Variants in PHF24 observed in about 807,000 individuals in gnomAD.
The protein encoded by PHF24 is PHD finger protein 24.
PHF24 carries 25 observed loss-of-function variants against 42.6 expected under a neutral mutation model. The ratio of observed to expected loss-of-function variants is 0.59; its 90% confidence interval spans 0.43 to 0.82. The LOEUF (loss-of-function observed/expected upper bound fraction) is 0.82, where lower values mean the gene tolerates loss of function less well. PHF24 is among the 40% of genes least tolerant of loss of function. PHF24 has a pLI of 0.00. For missense variants in PHF24, 470 were observed against 538.1 expected (o/e 0.87, Z 1.25); for synonymous variants, 185 against 204.8 (o/e 0.90, Z 0.83).
the PHF24 span, among the ~76,000 whole-genome samples, chr9:34,949,577 T>C: frequency 6.6e-6 from 1 of 152,258 alleles, no homozygotes; most frequent in South Asian, 2.1e-4. Flanking sequence ...CTATTTACAA[T>C]AGCAAAGACT....
At chr9:34,754,451 A>G in the PHF24 span, among the ~76,000 whole-genome samples, 2 of 152,172 alleles carry the variant, frequency 1.3e-5, no homozygotes, top group African/African-American at 4.8e-5. Context: ...CATCAGATAA[A>G]TGAAAACCTA....
chr9:34,872,304 C>T, the PHF24 span, among the ~76,000 whole-genome samples: 2 of 150,060 alleles, frequency 1.3e-5, no homozygotes, highest in East Asian at 2.0e-4. Flanking sequence ...GCGCTGCACC[C>T]ACTAACTCTT....
At chr9:34,929,275 T>C in the PHF24 span, among the ~76,000 whole-genome samples, 1 of 152,240 alleles carries the variant, frequency 6.6e-6, no homozygotes, top group Non-Finnish European at 1.5e-5. Flanking sequence ...GGGGACCATT[T>C]TGATGGAATG....
the PHF24 span, among the ~76,000 whole-genome samples, chr9:34,803,524 G>C: frequency 4.6e-5 from 7 of 152,198 alleles, no homozygotes; most frequent in Admixed American, 4.6e-4. Flanking sequence ...AGGAGTGTAA[G>C]AGGGGACCAG....
intron 1 of PHF24, among the ~76,000 whole-genome samples, chr9:34,960,362 T>A (rs1826547179): frequency 6.6e-6 from 1 of 152,116 alleles, no homozygotes; most frequent in Non-Finnish European, 1.5e-5. Context: ...CAGAACAACA[T>A]AGTTTACCAG....
chr9:34,878,550 G>A, the PHF24 span, among the ~76,000 whole-genome samples: 7 of 152,198 alleles, frequency 4.6e-5, no homozygotes, highest in Admixed American at 3.3e-4. Flanking sequence ...TTCGCAAACG[G>A]CACACCAGAA....
At chr9:34,964,524 G>A (rs1298863569) in intron 1 of PHF24, among the ~76,000 whole-genome samples, 1 of 152,152 alleles carries the variant, frequency 6.6e-6, no homozygotes, top group Non-Finnish European at 1.5e-5. Context: ...CAGAGTGCTG[G>A]GAAATAGAGG....
the PHF24 span, chr9:34,832,332 C>G: frequency 1.5e-6 from 1 of 679,450 alleles, no homozygotes; most frequent in South Asian, 1.8e-5. Flanking sequence ...ACAAGCCACT[C>G]AAGGACAGTG....
the PHF24 span, among the ~76,000 whole-genome samples, chr9:34,699,655 G>A: frequency 6.6e-6 from 1 of 152,196 alleles, no homozygotes; most frequent in South Asian, 2.1e-4. Flanking sequence ...TGTTGGGAAG[G>A]ACCCTGAGAA....
the PHF24 span, among the ~76,000 whole-genome samples, chr9:34,886,596 G>C: frequency 6.6e-5 from 10 of 152,248 alleles, no homozygotes; most frequent in African/African-American, 2.4e-4. Context: ...CTTGCTGGCT[G>C]CTGTGTCTCA....
the PHF24 span, among the ~76,000 whole-genome samples, chr9:34,711,152 T>C: frequency 6.6e-6 from 1 of 152,226 alleles, no homozygotes; most frequent in South Asian, 2.1e-4. Context: ...TGTGTTCCCA[T>C]TGACATAGAT....
At chr9:34,774,871 T>A in the PHF24 span, among the ~76,000 whole-genome samples, 82 of 152,262 alleles carry the variant, frequency 5.4e-4, no homozygotes, top group South Asian at 0.015. Context: ...GATTTGTACT[T>A]CACACCCACT....
the PHF24 span, among the ~76,000 whole-genome samples, chr9:34,678,780 G>T: frequency 2.6e-5 from 4 of 152,066 alleles, no homozygotes; most frequent in Non-Finnish European, 4.4e-5. Context: ...ACAGGCATGG[G>T]CTACCATGCC....
the PHF24 span, among the ~76,000 whole-genome samples, chr9:34,802,665 G>T: frequency 6.6e-6 from 1 of 152,210 alleles, no homozygotes; most frequent in Non-Finnish European, 1.5e-5. Context: ...GAGGTCACAT[G>T]ATTAGACAAT....
the PHF24 span, among the ~76,000 whole-genome samples, chr9:34,940,401 TAA>T: frequency 3.6e-5 from 5 of 140,018 alleles, no homozygotes; most frequent in Non-Finnish European, 6.3e-5. Context: ...TTGTTTTCTC[TAA>T]AAAAAAAAAA....
At chr9:34,702,158 C>A in the PHF24 span, among the ~76,000 whole-genome samples, 1 of 152,088 alleles carries the variant, frequency 6.6e-6, no homozygotes, top group African/African-American at 2.4e-5. Flanking sequence ...AAACGCGCAA[C>A]CTTTGGCCTA....
At chr9:34,848,612 C>T in the PHF24 span, among the ~76,000 whole-genome samples, 1 of 151,726 alleles carries the variant, frequency 6.6e-6, no homozygotes, top group Non-Finnish European at 1.5e-5. Context: ...CAGTTCTGCT[C>T]TGATTTTAGT....
the PHF24 span, among the ~76,000 whole-genome samples, chr9:34,914,986 TCAC>T: frequency 7.3e-6 from 1 of 137,260 alleles, no homozygotes; most frequent in South Asian, 2.3e-4. Context: ...GAGACAGGTC[TCAC>T]CATATTGCCC....
the PHF24 span, among the ~76,000 whole-genome samples, chr9:34,702,809 C>A: frequency 6.6e-6 from 1 of 151,728 alleles, no homozygotes; most frequent in African/African-American, 2.4e-5. Flanking sequence ...GACCCTGTCT[C>A]AAAAAAAGAA....
Sources: allele counts gnomAD v4.1 joint callset (sites outside exome capture counted in the v4.1 genomes callset), GRCh38; gene constraint gnomAD v4.1.1; transcripts MANE v1.5; gene names NCBI Gene and HGNC (gene_info 2026-07-23, HGNC 2026-07-21).